CACNA1E: variants seen among roughly 807,000 people sequenced by gnomAD.
The protein encoded by CACNA1E is calcium voltage-gated channel subunit alpha1 E, also known as voltage-dependent R-type calcium channel subunit alpha-1E.
A neutral mutation model predicts 259.2 loss-of-function variants in CACNA1E; 40 were observed. The observed-to-expected ratio is 0.15, with a 90% CI of 0.12 to 0.20. The LOEUF (loss-of-function observed/expected upper bound fraction) is 0.20. Ranked by LOEUF, CACNA1E falls within the 10% of genes least tolerant of loss-of-function variation. The pLI is 1.00. For missense variants in CACNA1E, 1,874 were observed against 3,040.1 expected, an observed-to-expected ratio of 0.62 and a Z score of 9.02; for synonymous variants, 1,104 against 1,138.5, an observed-to-expected ratio of 0.97 and a Z score of 0.61.
At chr1:181,440,922 A>C (rs1660420204) in intron 2 of CACNA1E, among the ~76,000 whole-genome samples, 1 of 138,002 alleles carries the variant, frequency 7.2e-6, no homozygotes, top group East Asian at 2.4e-4. Context: ...TCGAGGCTGC[A>C]GTGAGCCATG....
At chr1:181,749,201 AG>A (rs1204053986) in intron 25 of CACNA1E, among the ~76,000 whole-genome samples, 11 of 152,224 alleles carry the variant, frequency 7.2e-5, no homozygotes, top group Non-Finnish European at 1.6e-4. Flanking sequence ...AAAATAAGAA[AG>A]GAAAGAAAAA....
At chr1:181,475,434 G>C (rs1662777433) in intron 2 of CACNA1E, among the ~76,000 whole-genome samples, 1 of 152,206 alleles carries the variant, frequency 6.6e-6, no homozygotes. Context: ...ATTATGAAAG[G>C]CTTTGTGGGA....
chr1:181,336,611 C>G (rs910635692), intron 1 of CACNA1E, among the ~76,000 whole-genome samples: 3 of 152,052 alleles, frequency 2.0e-5, no homozygotes, highest in African/African-American at 7.2e-5. Flanking sequence ...TTTAAGTGTA[C>G]AGTTTAGTGG....
chr1:181,447,680 G>A (rs997159604), intron 2 of CACNA1E, among the ~76,000 whole-genome samples: 8 of 152,164 alleles, frequency 5.3e-5, no homozygotes, highest in African/African-American at 1.9e-4. Context: ...GCAGAGACCT[G>A]GTATGGGCCT....
intron 6 of CACNA1E, among the ~76,000 whole-genome samples, chr1:181,617,074 C>A (rs1025602123): frequency 2.0e-5 from 3 of 152,054 alleles, no homozygotes; most frequent in African/African-American, 7.2e-5. Context: ...TTATTTATAT[C>A]TATTAGTCTT....
At chr1:181,452,988 C>T (rs1661255849) in intron 2 of CACNA1E, among the ~76,000 whole-genome samples, 1 of 152,206 alleles carries the variant, frequency 6.6e-6, no homozygotes, top group South Asian at 2.1e-4. Flanking sequence ...GACCCTGTGA[C>T]CATCAGCTGG....
intron 2 of CACNA1E, among the ~76,000 whole-genome samples, chr1:181,443,027 C>T (rs912484432): frequency 6.6e-6 from 1 of 152,116 alleles, no homozygotes; most frequent in African/African-American, 2.4e-5. Context: ...ATAAGCTGGC[C>T]CAGTGCAGAG....
intron 25 of CACNA1E, 62 bp from the exon 26 acceptor site, chr1:181,750,414 C>A: frequency 8.7e-6 from 13 of 1,496,428 alleles, no homozygotes; most frequent in African/African-American, 1.4e-5. Context: ...TCTACCCCAA[C>A]CCCATTTTTT....
intron 7 of CACNA1E, among the ~76,000 whole-genome samples, chr1:181,707,009 G>A (rs1652859118): frequency 6.6e-6 from 1 of 152,142 alleles, no homozygotes; most frequent in Admixed American, 6.5e-5. Flanking sequence ...GACCCTTGTT[G>A]GAATGTGATA....
At chr1:181,600,659 G>A (rs899177480) in intron 6 of CACNA1E, among the ~76,000 whole-genome samples, 4 of 152,084 alleles carry the variant, frequency 2.6e-5, no homozygotes, top group African/African-American at 4.8e-5. Flanking sequence ...TAGGGGAGCC[G>A]AGAGAAGGGG....
chr1:181,529,602 C>T (rs1667623402), intron 3 of CACNA1E, among the ~76,000 whole-genome samples: 1 of 152,218 alleles, frequency 6.6e-6, no homozygotes, highest in Non-Finnish European at 1.5e-5. Context: ...AGGGGTGGGG[C>T]TGCCCAAGAC....
rs565908489 is a variant in CACNA1E at position 181,801,567 on chromosome 1, C to T, written c.*2733C>T. On this transcript the variant is annotated 3_prime_UTR_variant, in exon 48 of 48. Transcript: ENST00000367573. ...AAGACCAGAAAATAAAATAATTTTCCGTTGAGTCACAAACTCATCATCTTG... is the reference window on the plus strand; with the variant it reads ...AAGACCAGAAAATAAAATAATTTTCTGTTGAGTCACAAACTCATCATCTTG... 3.3e-5 allele frequency: 5 copies of T among 152,156 alleles called. No individual in the cohort carries two copies. Among genetic ancestry groups the T allele is most frequent in the Admixed American group, 3.3e-4 (5 of 15,282 alleles). The allele number at this position is 152,156 out of a possible 1,614,324, so 9.4% of individuals were successfully genotyped here.
chr1:181,363,268 A>G (rs1654023031), intron 1 of CACNA1E, among the ~76,000 whole-genome samples: 1 of 152,184 alleles, frequency 6.6e-6, no homozygotes, highest in Non-Finnish European at 1.5e-5. Context: ...AACCAGAAAC[A>G]AACCCGCTTG....
chr1:181,324,137 A>G (rs1650587189), intron 1 of CACNA1E, among the ~76,000 whole-genome samples: 1 of 152,200 alleles, frequency 6.6e-6, no homozygotes, highest in Non-Finnish European at 1.5e-5. Context: ...GTTCTGGGCC[A>G]GGCACTGACT....
At chr1:181,648,812 C>G (rs1038611192) in intron 6 of CACNA1E, among the ~76,000 whole-genome samples, 1 of 152,182 alleles carries the variant, frequency 6.6e-6, no homozygotes, top group Non-Finnish European at 1.5e-5. Flanking sequence ...ATTGCTGATA[C>G]CTGCTAATGT....
chr1:181,462,484 TTG>T (rs1223906044), intron 2 of CACNA1E, among the ~76,000 whole-genome samples: 2 of 152,198 alleles, frequency 1.3e-5, no homozygotes, highest in Non-Finnish European at 2.9e-5. Context: ...TTTCGAACAT[TTG>T]TATAGAAAAC....
At chr1:181,395,153 C>T (rs1195360805) in intron 1 of CACNA1E, among the ~76,000 whole-genome samples, 1 of 152,076 alleles carries the variant, frequency 6.6e-6, no homozygotes, top group African/African-American at 2.4e-5. Context: ...GTGGCTTGTA[C>T]CAGGATGGTA....
At chr1:181,449,220 CAG>C (rs1660993796) in intron 2 of CACNA1E, among the ~76,000 whole-genome samples, 1 of 152,156 alleles carries the variant, frequency 6.6e-6, no homozygotes, top group East Asian at 1.9e-4. Context: ...GTTTCCAAGC[CAG>C]AGATACTTCA....
intron 6 of CACNA1E, among the ~76,000 whole-genome samples, chr1:181,588,405 A>G (rs1652306064): frequency 6.6e-6 from 1 of 152,152 alleles, no homozygotes; most frequent in African/African-American, 2.4e-5. Flanking sequence ...CTGGGCTGGG[A>G]GCCTGTGGTC....
Sources: gnomAD v4.1 joint callset for allele counts (sites outside exome capture counted in the v4.1 genomes callset) on GRCh38, gnomAD v4.1.1 for gene constraint, MANE v1.5 for transcripts, NCBI Gene and HGNC (gene_info 2026-07-23, HGNC 2026-07-21) for gene names.